The following CDH4 variants were observed in gnomAD, a reference collection of about 807,000 sequenced individuals.
CDH4 encodes cadherin 4, also known as cadherin-4.
A neutral mutation model predicts 86.0 loss-of-function variants in CDH4; 33 were observed. The ratio of observed to expected loss-of-function variants is 0.38; its 90% CI spans 0.29 to 0.51. The LOEUF (loss-of-function observed/expected upper bound fraction) is 0.51. Among genes scored for constraint, CDH4 ranks in the 20% least tolerant of loss-of-function variants. The pLI, the probability that CDH4 is intolerant of heterozygous loss-of-function variation, is 0.86. For synonymous variants in CDH4, 555 were observed against 549.4 expected (o/e 1.01, Z -0.14); for missense variants, 1,114 against 1,307.4 (o/e 0.85, Z 2.28).
chr20:61,554,149 A>T (rs1431894891), intron 2 of CDH4, among the ~76,000 whole-genome samples: 1 of 152,206 alleles, frequency 6.6e-6, no homozygotes, highest in African/African-American at 2.4e-5. Flanking sequence ...TTGAAGACAG[A>T]GCTATGATAT....
Position 61,252,409 on chromosome 20 carries a change from G to C in CDH4, c.-105G>C. On this transcript the variant is annotated 5_prime_UTR_variant, in exon 1 of 16. Coordinates refer to ENST00000614565, the MANE Select transcript of CDH4 (RefSeq NM_001794.5). This position sits in a 1 kb window ranked among gnomAD's most constrained non-coding sequence, Gnocchi z 4.4. ...TCCGGGCAGGCGCGGGGGAGCGGCG[G>C]CGGCGGCGGCGATCGGAGCGGCGGC... The C allele has an allele frequency of 2.4e-6, 1 of 415,818 alleles. No individual in the cohort carries two copies. Among genetic ancestry groups the C allele is most frequent in the Non-Finnish European group, 3.2e-6 (1 of 312,692 alleles). 25.8% of individuals were successfully genotyped at this position (415,818 alleles called of 1,614,324 possible). A position where few individuals can be genotyped will look rare whatever the true frequency, so the allele number is the denominator to read the frequency against.
intron 2 of CDH4, among the ~76,000 whole-genome samples, chr20:61,413,674 A>G (rs1333862063): frequency 6.6e-6 from 1 of 152,168 alleles, no homozygotes; most frequent in Non-Finnish European, 1.5e-5. Context: ...TGCACATAGT[A>G]GATGCTCAGA....
At chr20:61,622,962 G>A (rs777294840) in intron 2 of CDH4, among the ~76,000 whole-genome samples, 1 of 152,198 alleles carries the variant, frequency 6.6e-6, no homozygotes, top group Non-Finnish European at 1.5e-5. Context: ...GAGGCCTGGA[G>A]CCCTCACTCG....
At chr20:61,733,869 A>G (rs528551555) in intron 2 of CDH4, among the ~76,000 whole-genome samples, 5 of 152,208 alleles carry the variant, frequency 3.3e-5, no homozygotes, top group South Asian at 2.1e-4. Context: ...AAGAAAAACA[A>G]TAAAAAGGTG....
At chr20:61,291,330 C>T (rs376689818) in intron 2 of CDH4, among the ~76,000 whole-genome samples, 60 of 152,330 alleles carry the variant, frequency 3.9e-4, no homozygotes, top group African/African-American at 1.3e-3. Context: ...GTCCCATATC[C>T]GGTGACAAGG....
At chr20:61,850,592 A>G (rs1267729196) in intron 5 of CDH4, among the ~76,000 whole-genome samples, 3 of 152,248 alleles carry the variant, frequency 2.0e-5, no homozygotes, top group Admixed American at 1.3e-4. Flanking sequence ...GACCACGCCC[A>G]TGTATTAATA....
intron 2 of CDH4, among the ~76,000 whole-genome samples, chr20:61,572,384 G>T (rs550113302): frequency 6.6e-6 from 1 of 152,366 alleles, no homozygotes; most frequent in East Asian, 1.9e-4. Flanking sequence ...TGGAGTGGGA[G>T]ACGCAAGGGA....
intron 2 of CDH4, among the ~76,000 whole-genome samples, chr20:61,273,984 TGC>T (rs1244945191): frequency 1.5e-5 from 2 of 137,766 alleles, no homozygotes; most frequent in Admixed American, 7.5e-5. Flanking sequence ...GGGGGTACCA[TGC>T]ACAGTTTGGG....
At chr20:61,920,271 G>T (rs112500580) in intron 9 of CDH4, among the ~76,000 whole-genome samples, 2 of 123,740 alleles carry the variant, frequency 1.6e-5, no homozygotes, top group African/African-American at 3.1e-5. Context: ...GCATGGAAGC[G>T]TGTCATGATT....
chr20:61,757,353 C>T (rs1600953759), intron 3 of CDH4, among the ~76,000 whole-genome samples: 1 of 152,188 alleles, frequency 6.6e-6, no homozygotes, highest in African/African-American at 2.4e-5. Flanking sequence ...TTCATGGGTG[C>T]GAAGGACGGG....
Position 61,740,268 on chromosome 20 carries a change from G to A in CDH4, c.170-3295G>A, listed in dbSNP as rs79472004. On this transcript the variant is annotated intron_variant, in intron 2 of 15. Transcript: ENST00000614565. ...AGGAAAGACAAATAGGATATGGGGA[G>A]GAGTCCCCATCCCAAGACCTCAGAC... 3.1e-3 allele frequency among the ~76,000 whole-genome samples: 467 copies of A among 152,256 alleles called. 1 individual carries two copies. The highest frequency in any genetic ancestry group is 5.4e-3 in the Non-Finnish European group (368 of 68,006).
chr20:61,751,602 C>A (rs887214679), intron 3 of CDH4, among the ~76,000 whole-genome samples: 1 of 152,176 alleles, frequency 6.6e-6, no homozygotes, highest in African/African-American at 2.4e-5. Flanking sequence ...AGAGCAGGTG[C>A]CAGCATGCTG....
chr20:61,653,413 G>A (rs1215206474), intron 2 of CDH4, among the ~76,000 whole-genome samples: 3 of 136,868 alleles, frequency 2.2e-5, no homozygotes, highest in Non-Finnish European at 3.3e-5. Flanking sequence ...CCACAAAACC[G>A]CCATTGTCAT....
intron 4 of CDH4, among the ~76,000 whole-genome samples, chr20:61,831,909 G>C (rs908205530): frequency 1.3e-4 from 20 of 152,262 alleles, no homozygotes; most frequent in Admixed American, 2.0e-4. Flanking sequence ...ATGTGGCACA[G>C]GCACCCGACA....
chr20:61,493,306 G>A lies in CDH4; in HGVS notation c.169+238369G>A, dbSNP rs2085638376. 2.6e-5 allele frequency among the ~76,000 whole-genome samples: 4 copies of A among 152,144 alleles called. No individual in the cohort carries two copies. The South Asian group carries it at 6.2e-4, about 24-fold the overall frequency. ...TTTGTTTCCATCATATGTGAAGCGT[G>A]CTATGCCCTGCTTGGCCTAGAGATC... On this transcript the variant is annotated intron_variant, in intron 2 of 15. Transcript: ENST00000614565.
intron 2 of CDH4, among the ~76,000 whole-genome samples, chr20:61,673,882 T>C (rs1043710255): frequency 6.6e-6 from 1 of 152,204 alleles, no homozygotes; most frequent in Non-Finnish European, 1.5e-5. Flanking sequence ...AGGGAAAATG[T>C]CCTTCAGGAA....
At chr20:61,399,232 A>G (rs1418435763) in intron 2 of CDH4, among the ~76,000 whole-genome samples, 1 of 67,220 alleles carries the variant, frequency 1.5e-5, no homozygotes, top group Non-Finnish European at 2.7e-5. Context: ...TCCCGGGTTC[A>G]CGCCATTCTC....
chr20:61,573,660 C>T (rs1391581480), intron 2 of CDH4, among the ~76,000 whole-genome samples: 1 of 152,176 alleles, frequency 6.6e-6, no homozygotes, highest in East Asian at 1.9e-4. Context: ...CGCTGAGCAG[C>T]ATGAGCCTGA....
chr20:61,720,717 A>G (rs1007093650), intron 2 of CDH4, among the ~76,000 whole-genome samples: 4 of 152,006 alleles, frequency 2.6e-5, no homozygotes, highest in African/African-American at 4.8e-5. Flanking sequence ...CCGTGGATAC[A>G]CACAGGCTCC....
Sources: gnomAD v4.1 joint callset for allele counts (sites outside exome capture counted in the v4.1 genomes callset) on GRCh38, gnomAD v4.1.1 for gene constraint, Gnocchi (gnomAD v3.1) non-coding constraint, MANE v1.5 for transcripts, NCBI Gene and HGNC (gene_info 2026-07-23, HGNC 2026-07-21) for gene names.